The following F8 variants were observed in gnomAD, a reference collection of about 807,000 sequenced individuals.
F8 encodes the protein coagulation factor VIII.
A neutral mutation model predicts 140.6 loss-of-function variants in F8; 12 were observed. The ratio of observed to expected loss-of-function variants is 0.09; its 90% CI spans 0.05 to 0.14. The LOEUF is 0.14. Ranked by LOEUF, F8 falls within the 10% of genes least tolerant of loss-of-function variation. The pLI, the probability that F8 is intolerant of heterozygous loss-of-function variation, is 1.00. For missense variants in F8, 1,354 were observed against 1,720.7 expected (o/e 0.79, Z 3.77); for synonymous variants, 585 against 614.6 (o/e 0.95, Z 0.71).
chrX:154,969,828 T>C (rs1230954977), intron 6 of F8, among the ~76,000 whole-genome samples: 2 of 111,891 alleles, frequency 1.8e-5, no homozygotes, highest in African/African-American at 6.5e-5. Flanking sequence ...TCCCTTGGCC[T>C]CTGTGCCAAC....
intron 3 of F8, among the ~76,000 whole-genome samples, 158 bp from the exon 4 acceptor site, chrX:154,993,306 T>A (rs2073599261): frequency 8.9e-6 from 1 of 112,491 alleles, no homozygotes; most frequent in Non-Finnish European, 1.9e-5. Flanking sequence ...TCTCACTCTG[T>A]TGCCCAGGCT....
At chrX:155,013,145 C>CAA (rs34940593) in intron 1 of F8, among the ~76,000 whole-genome samples, 1,851 of 33,435 alleles carry the variant, frequency 0.055, 246 homozygotes, top group African/African-American at 0.19. Context: ...GACTCCGTCT[C>CAA]AAAAAAAAAA....
chrX:154,947,711 C>G lies in F8; in HGVS notation c.2100G>C (p.Ser700=). 8.3e-7 allele frequency: 1 copy of G among 1,209,362 alleles called. No homozygotes were observed. Among genetic ancestry groups the G allele is most frequent in the Middle Eastern group, 2.3e-4 (1 of 4,340 alleles). The change falls in exon 13 of 26, where the codon TCG becomes TCC. Residue 700 remains serine (S), a synonymous_variant. Transcript: ENST00000360256. ...ATAATAACTAACCTGGGTTTTCCAT[C>G]GACATGAAGACAGTTTCTCCTGAGA... ...FPFSGETVFM[S]MENPGLWILG...
intron 24 of F8, among the ~76,000 whole-genome samples, chrX:154,861,478 A>G (rs1273913645): frequency 8.9e-6 from 1 of 112,199 alleles, no homozygotes. Context: ...AGCTTCTACA[A>G]TTCTTTGACA....
At position 154,925,968 on chromosome X, in the gene F8, T is replaced by C. The variant is rs781967663; in HGVS notation, c.5219+2603A>G. Reference sequence around the variant, plus strand: ...GCTGTGTCCCTACCCAAATCTCATCTTGAATTCCCATGTTCTGTGGGAGGG... The same window carrying C: ...GCTGTGTCCCTACCCAAATCTCATCCTGAATTCCCATGTTCTGTGGGAGGG... On this transcript the variant is annotated intron_variant, in intron 14 of 25. Coordinates refer to ENST00000360256, the MANE Select transcript of F8 (RefSeq NM_000132.4). Among the ~76,000 whole-genome samples, 19 of 112,351 alleles carry C rather than the reference T, an allele frequency of 1.7e-4. 2 individuals are homozygous for C. The Middle Eastern group carries it at 0.023, about 136-fold the overall frequency.
chrX:155,020,814 G>T (rs1197729308), intron 1 of F8, among the ~76,000 whole-genome samples: 4 of 112,004 alleles, frequency 3.6e-5, no homozygotes, highest in African/African-American at 9.7e-5. Context: ...CTGTAAAATT[G>T]GCAAATTTTA....
chrX:154,967,182 C>T (rs2073430060), intron 7 of F8, among the ~76,000 whole-genome samples: 1 of 111,655 alleles, frequency 9.0e-6, no homozygotes, highest in Non-Finnish European at 1.9e-5. Flanking sequence ...ATCACTATCC[C>T]TTCTTGCCAC....
At chrX:155,004,545 A>G (rs1275648993) in intron 1 of F8, among the ~76,000 whole-genome samples, 1 of 111,954 alleles carries the variant, frequency 8.9e-6, no homozygotes, top group Non-Finnish European at 1.9e-5. Context: ...GAGGCTATGC[A>G]TGGGCCCAAC....
chrX:154,953,810 C>A, intron 12 of F8, 82 bp downstream of exon 12: 1 of 1,070,564 alleles, frequency 9.3e-7, no homozygotes, highest in Non-Finnish European at 1.3e-6. Context: ...ACATACAATT[C>A]ATTCATTATC....
chrX:154,975,422 T>C (rs985073961), intron 6 of F8, among the ~76,000 whole-genome samples: 19 of 112,378 alleles, frequency 1.7e-4, no homozygotes, highest in Admixed American at 6.6e-4. Context: ...ATTCCATTAT[T>C]GGCAGGAAAA....
At chrX:155,020,363 T>C (rs1384768117) in intron 1 of F8, among the ~76,000 whole-genome samples, 2 of 112,367 alleles carry the variant, frequency 1.8e-5, no homozygotes, top group Non-Finnish European at 3.8e-5. Flanking sequence ...ATGACAAAAG[T>C]AATTAGCAGA....
At position 154,904,041 on chromosome X, in the gene F8, G is replaced by C. The variant is rs2123996340; in HGVS notation, c.5863C>G (p.Gln1955Glu). The C allele has an allele frequency of 2.5e-6, 3 of 1,211,321 alleles. No individual in the cohort carries two copies. In the African/African-American group the frequency reaches 5.2e-5, roughly 21 times the overall value. The stretch of plus-strand genomic sequence containing the variant: ...AGATACCATCGAATCCTTTGATCCT[G>C]AGCCATTACTAAGCCAGGTAGTGTA... ...MDTLPGLVMA[Q>E]DQRIRWYLLS... Residue 1955 changes from glutamine (Q) to glutamate (E), a missense_variant, in exon 18 of 26, where the codon CAG becomes GAG. Coordinates refer to ENST00000360256, the MANE Select transcript of F8 (RefSeq NM_000132.4).
Position 155,022,446 on chromosome X carries a change from A to G in F8, c.107T>C (p.Met36Thr), listed in dbSNP as rs1557287580. 3 of 1,211,005 alleles carry G rather than the reference A, an allele frequency of 2.5e-6. No individual in the cohort carries two copies. The East Asian group carries it at 8.9e-5, about 36-fold the overall frequency. Residue 36 changes from methionine to threonine, a missense_variant, in exon 1 of 26, where the codon ATG (methionine) becomes ACG (threonine). By Grantham distance (81) the Met-to-Thr change is moderately conservative. This residue lies in a region of F8 where 128 missense variants were observed against 230.4 expected (regional missense o/e 0.56). Coordinates refer to ENST00000360256, the MANE Select transcript of F8 (RefSeq NM_000132.4). ...LGAVELSWDY[M>T]QSDLGELPVD... ...AGGCAGCTCACCGAGATCACTTTGC[A>G]TATAGTCCCATGACAGTTCCACTGC...
intron 21 of F8, among the ~76,000 whole-genome samples, chrX:154,897,028 C>T (rs148121039): frequency 4.4e-4 from 49 of 112,051 alleles, no homozygotes; most frequent in African/African-American, 1.4e-3. Flanking sequence ...CAGGGCCTGG[C>T]GCATACTAAA....
At chrX:154,923,267 A>G (rs1441972254) in intron 14 of F8, among the ~76,000 whole-genome samples, 1 of 112,341 alleles carries the variant, frequency 8.9e-6, no homozygotes, top group Non-Finnish European at 1.9e-5. Context: ...CTGAAGTGAC[A>G]CTGTATCCTC....
chrX:154,960,960 T>G (rs1357978991), intron 10 of F8, 115 bp downstream of exon 10: 5 of 524,634 alleles, frequency 9.5e-6, no homozygotes, highest in Non-Finnish European at 1.7e-5. Context: ...GACTGGAGCT[T>G]GAGGTCCGGC....
chrX:154,968,104 T>C (rs1388080206), intron 7 of F8, among the ~76,000 whole-genome samples: 1 of 111,713 alleles, frequency 9.0e-6, no homozygotes. Context: ...TGAATGTCTG[T>C]CCCCTCCGAA....
intron 9 of F8, 41 bp downstream of exon 9, chrX:154,965,929 T>C: frequency 1.7e-6 from 2 of 1,193,028 alleles, no homozygotes; most frequent in Non-Finnish European, 2.3e-6. Context: ...CTCTCCAGAC[T>C]TTTTCTTCTT....
intron 24 of F8, 133 bp from the exon 25 acceptor site, chrX:154,860,741 C>A: frequency 1.6e-6 from 1 of 625,843 alleles, no homozygotes; most frequent in Non-Finnish European, 2.6e-6. Context: ...GCTCTGTCAC[C>A]CAGGCTGTAG....
Sources: gnomAD v4.1 joint callset for allele counts (sites outside exome capture counted in the v4.1 genomes callset) on GRCh38, gnomAD v4.1.1 for gene constraint, gnomAD v4.1.1 regional missense constraint, MANE v1.5 for transcripts, NCBI Gene and HGNC (gene_info 2026-07-23, HGNC 2026-07-21) for gene names.